ZRANB2: variants seen among roughly 807,000 people sequenced by gnomAD.
ZRANB2 encodes the protein zinc finger Ran-binding domain-containing protein 2.
In ZRANB2, 19 loss-of-function variants were observed where a neutral mutation model predicts 53.4. The observed-to-expected ratio is 0.36, with a 90% CI of 0.25 to 0.52. The LOEUF (loss-of-function observed/expected upper bound fraction) is 0.52. Among genes scored for constraint, ZRANB2 ranks in the 20% least tolerant of loss-of-function variants. ZRANB2 has a pLI of 0.93. For synonymous variants in ZRANB2, 145 were observed against 134.8 expected, an observed-to-expected ratio of 1.08 and a Z score of -0.52; for missense variants, 309 against 401.1, an observed-to-expected ratio of 0.77 and a Z score of 1.96.
At chr1:71,077,789 G>A (rs555673074) in intron 3 of ZRANB2, among the ~76,000 whole-genome samples, 1 of 152,352 alleles carries the variant, frequency 6.6e-6, no homozygotes, top group East Asian at 1.9e-4. Context: ...CTGGGAGGTA[G>A]AGGTTACAGT....
chr1:71,078,374 C>T, intron 3 of ZRANB2, 83 bp downstream of exon 3: 1 of 1,170,578 alleles, frequency 8.5e-7, no homozygotes. Context: ...GTCAATGTCA[C>T]TAATAAGAGC....
At chr1:71,079,095 G>A (rs1244479979) in intron 1 of ZRANB2, among the ~76,000 whole-genome samples, 1 of 151,834 alleles carries the variant, frequency 6.6e-6, no homozygotes, top group Non-Finnish European at 1.5e-5. Flanking sequence ...GACCAATGAG[G>A]AAAAAAACTT....
chr1:71,078,866 G>A (rs1661770163), intron 1 of ZRANB2, among the ~76,000 whole-genome samples, 158 bp from the exon 2 acceptor site: 1 of 152,048 alleles, frequency 6.6e-6, no homozygotes, highest in Non-Finnish European at 1.5e-5. Context: ...ATTTACTGGG[G>A]GAAAAATACT....
In ZRANB2 at chr1:71,066,802, T is replaced by A; in HGVS notation, c.903A>T (p.Arg301Ser). 6.2e-7 allele frequency: 1 copy of A among 1,612,532 alleles called. No individual in the cohort carries two copies. Among genetic ancestry groups the A allele is most frequent in the South Asian group, 1.1e-5 (1 of 90,344 alleles). ...RSSSSGDRKK[R>S]RTRSRSPERR... ...TTTCGGGTGACCGTGATCTTGTTCG[T>A]CTTTTTTTGCGATCACCAGATGAAG... The change falls in exon 9 of 10, where the codon AGA becomes AGT. Residue 301 changes from arginine to serine, a missense_variant. Arg to Ser is a moderately radical substitution (Grantham distance 110, BLOSUM62 -1). Transcript: ENST00000370920.
Position 71,078,509 on chromosome 1 carries a change from G to C in ZRANB2, c.166C>G (p.Leu56Val). The C allele has an allele frequency of 6.2e-7, 1 of 1,614,048 alleles. No individual in the cohort carries two copies. Residue 56 changes from leucine (L) to valine (V), a missense_variant, in exon 3 of 10, where the codon CTT becomes GTT. By Grantham distance (32) the Leu-to-Val change is conservative (BLOSUM62 1). This residue lies in a region of ZRANB2 where 74 missense variants were observed against 180.1 expected (regional missense o/e 0.41). Transcript: ENST00000370920. Reference sequence around the variant, plus strand: ...AATAGGCCTCGGCTCTTTTCTGCAAGTGTCTTTCCTATTTCAGTGCCCCCA... The same window carrying C: ...AATAGGCCTCGGCTCTTTTCTGCAACTGTCTTTCCTATTTCAGTGCCCCCA... ...KAGGTEIGKT[L>V]AEKSRGLFSA...
chr1:71,070,777 T>G, intron 7 of ZRANB2, 50 bp downstream of exon 7: 4 of 1,111,698 alleles, frequency 3.6e-6, no homozygotes, highest in Non-Finnish European at 4.9e-6. Flanking sequence ...AATAAAAAAG[T>G]TAGATACTGA....
At chr1:71,076,498 T>G (rs1227119337) in intron 4 of ZRANB2, among the ~76,000 whole-genome samples, 2 of 152,242 alleles carry the variant, frequency 1.3e-5, no homozygotes, top group African/African-American at 4.8e-5. Context: ...TATCATTATA[T>G]CATTACTAAT....
At chr1:71,068,771 AT>A (rs1173024035) in intron 8 of ZRANB2, among the ~76,000 whole-genome samples, 4 of 151,606 alleles carry the variant, frequency 2.6e-5, no homozygotes, top group African/African-American at 9.7e-5. Context: ...TTATTTACAT[AT>A]GTAATTTTAT....
At chr1:71,071,216 C>T (rs978309688) in intron 6 of ZRANB2, among the ~76,000 whole-genome samples, 2 of 152,156 alleles carry the variant, frequency 1.3e-5, no homozygotes, top group African/African-American at 4.8e-5. Context: ...AGGCCATACA[C>T]ACTTTTTCTG....
At position 71,072,235 on chromosome 1, in the gene ZRANB2, T is replaced by C. The variant is rs1573056170; in HGVS notation, c.399A>G (p.Lys133=). 1 of 1,609,930 alleles carries C rather than the reference T, an allele frequency of 6.2e-7. No homozygotes were observed. Among genetic ancestry groups the C allele is most frequent in the Non-Finnish European group, 8.5e-7 (1 of 1,178,818 alleles). The stretch of plus-strand genomic sequence containing the variant: ...CAGGACCAACTGCTTTCCCTCTGTA[T>C]TTTTTCTTTTTACGTCCAAACTAGA... ...EYDEFGRKKK[K]YRGKAVGPAS... Residue 133 remains lysine (K), a synonymous_variant, in exon 6 of 10, where the codon AAA becomes AAG. Transcript: ENST00000370920.
At chr1:71,065,684 A>T in intron 9 of ZRANB2, 1 of 1,610,770 alleles carries the variant, frequency 6.2e-7, no homozygotes, top group Non-Finnish European at 8.5e-7. Flanking sequence ...CAACCTGGGT[A>T]AAGTAGTGGT....
Position 71,066,823 on chromosome 1 carries a change from T to C in ZRANB2, c.882A>G (p.Ser294=). The C allele has an allele frequency of 1.2e-6, 2 of 1,612,540 alleles. No individual in the cohort carries two copies. Among genetic ancestry groups the C allele is most frequent in the Non-Finnish European group, 1.7e-6 (2 of 1,179,522 alleles). The stretch of plus-strand genomic sequence containing the variant: ...TTCGTCTTTTTTTGCGATCACCAGA[T>C]GAAGAAGATCTAGAACGACTTCTCT... ...NRKRSRSRSS[S]SGDRKKRRTR... Residue 294 remains serine, a synonymous_variant, in exon 9 of 10, where the codon TCA becomes TCG. Transcript: ENST00000370920.
intron 3 of ZRANB2, among the ~76,000 whole-genome samples, chr1:71,077,817 C>T (rs961800829): frequency 6.6e-6 from 1 of 152,198 alleles, no homozygotes; most frequent in African/African-American, 2.4e-5. Flanking sequence ...GATCGCCCCA[C>T]TGCACTCCAG....
Position 71,072,192 on chromosome 1 carries a change from C to T in ZRANB2, c.442G>A (p.Val148Ile), listed in dbSNP as rs1398891802. The T allele has an allele frequency of 7.4e-6, 12 of 1,612,358 alleles. No homozygotes were observed. The highest frequency in any genetic ancestry group is 3.3e-5 in the Admixed American group (2 of 59,738). The change falls in exon 6 of 10, where the codon GTT (valine) becomes ATT (isoleucine). Residue 148 changes from valine to isoleucine, a missense_variant. Val to Ile is a conservative substitution (Grantham distance 29, BLOSUM62 3). Coordinates refer to ENST00000370920, the MANE Select transcript of ZRANB2 (RefSeq NM_203350.3). The stretch of plus-strand genomic sequence containing the variant: ...TCTCCCTCTGATTCTTTATCTTCAA[C>T]TTCCTTTAATATAGATGCAGGACCA... ...AVGPASILKE[V>I]EDKESEGEEE... is the part of the protein sequence containing the mutation.
In ZRANB2 at chr1:71,065,160, T is replaced by C. The variant is rs377326726; in HGVS notation, c.930-23A>G. 7.0e-5 allele frequency: 110 copies of C among 1,570,962 alleles called. No individual in the cohort carries two copies. The African/African-American group carries it at 1.4e-3, about 20-fold the overall frequency. The stretch of plus-strand genomic sequence containing the variant: ...CGTCTGTAAGACATAATGGAGAGAG[T>C]AGGCATTCTAGTAAGCTAGAGCTAA... On this transcript the variant is annotated intron_variant, in intron 9 of 9. Transcript: ENST00000370920.
At chr1:71,076,724 T>C in intron 4 of ZRANB2, 71 bp downstream of exon 4, 1 of 1,137,104 alleles carries the variant, frequency 8.8e-7, no homozygotes. Flanking sequence ...TACTCGAAGG[T>C]GATACAATTA....
intron 1 of ZRANB2, among the ~76,000 whole-genome samples, chr1:71,080,081 T>C (rs999168578): frequency 3.9e-5 from 6 of 152,204 alleles, no homozygotes; most frequent in African/African-American, 1.4e-4. Context: ...AAGTTTTTGC[T>C]TTTTACAATC....
chr1:71,080,444 C>T (rs1195345963), intron 1 of ZRANB2, among the ~76,000 whole-genome samples: 1 of 151,878 alleles, frequency 6.6e-6, no homozygotes, highest in East Asian at 1.9e-4. Context: ...GGTAGAGCTT[C>T]CGGAAAAGGG....
In ZRANB2 at chr1:71,064,887, T is replaced by C. The variant is rs1259886313; in HGVS notation, c.*187A>G. 8.7e-6 allele frequency: 4 copies of C among 459,102 alleles called. No homozygotes were observed. In the East Asian group the frequency reaches 1.4e-4, roughly 16 times the overall value. The allele number at this position is 459,102 out of a possible 1,614,324, so 28.4% of individuals were successfully genotyped here. On this transcript the variant is annotated 3_prime_UTR_variant, in exon 10 of 10. Transcript: ENST00000370920. ...ATGACAGAACATCTATTTTGGGACA[T>C]TATGGCTTAAAATGCTATTTACTTT...
Sources: allele counts gnomAD v4.1 joint callset (sites outside exome capture counted in the v4.1 genomes callset), GRCh38; gene constraint gnomAD v4.1.1; regional missense constraint gnomAD v4.1.1; transcripts MANE v1.5; gene names NCBI Gene and HGNC (gene_info 2026-07-23, HGNC 2026-07-21).